The following RBFOX1 variants were observed in gnomAD, a reference collection of about 807,000 sequenced individuals.
RBFOX1 encodes the protein RNA binding fox-1 homolog 1.
A neutral mutation model predicts 57.7 loss-of-function variants in RBFOX1; 8 were observed. The ratio of observed to expected loss-of-function variants is 0.14; its 90% CI spans 0.08 to 0.25. The LOEUF (loss-of-function observed/expected upper bound fraction) is 0.25. RBFOX1 is among the 10% of genes least tolerant of loss of function. The pLI, the probability that RBFOX1 is intolerant of heterozygous loss-of-function variation, is 1.00. For missense variants in RBFOX1, 611 were observed against 548.5 expected, an observed-to-expected ratio of 1.11 and a Z score of -1.14; for synonymous variants, 326 against 222.4, an observed-to-expected ratio of 1.47 and a Z score of -4.15.
At chr16:6,053,497 T>C (rs888590867) in intron 1 of RBFOX1, among the ~76,000 whole-genome samples, 3 of 152,200 alleles carry the variant, frequency 2.0e-5, no homozygotes, top group Admixed American at 1.3e-4. Flanking sequence ...AAGAAAATCA[T>C]TTAGTTGAAT....
chr16:6,309,008 T>TA (rs2152758133), intron 1 of RBFOX1, among the ~76,000 whole-genome samples: 2 of 152,176 alleles, frequency 1.3e-5, no homozygotes, highest in East Asian at 3.9e-4. Flanking sequence ...TGAAAAGACT[T>TA]ACCTCTCTCC....
At chr16:7,337,837 A>G (rs140172202) in intron 4 of RBFOX1, among the ~76,000 whole-genome samples, 247 of 152,242 alleles carry the variant, frequency 1.6e-3, no homozygotes, top group Non-Finnish European at 2.5e-3. Context: ...GGCACGTGCC[A>G]CCACACCCAG....
chr16:7,034,314 G>A (rs1295570255), intron 3 of RBFOX1, among the ~76,000 whole-genome samples: 3 of 152,182 alleles, frequency 2.0e-5, no homozygotes, highest in Non-Finnish European at 4.4e-5. Flanking sequence ...AGTCACTGTA[G>A]GATGAAGGCA....
intron 13 of RBFOX1, among the ~76,000 whole-genome samples, chr16:7,676,430 A>G (rs916621685): frequency 6.6e-6 from 1 of 152,202 alleles, no homozygotes; most frequent in Non-Finnish European, 1.5e-5. Flanking sequence ...GAAAATCTGG[A>G]AAGTTCAGCA....
rs573127908 is a variant in RBFOX1 at position 5,836,836 on chromosome 16, G to A, written c.319-30467G>A. On this transcript the variant is annotated intron_variant, in intron 3 of 19. Transcript: ENST00000641259. ...AGGGGAGAAGCACCCAGATGAGAAT[G>A]CTTGTCCACATCAGCCCAGGCCACC... is the stretch of plus-strand genomic sequence containing the variant. Among the ~76,000 whole-genome samples, 8 of 152,302 alleles carry A rather than the reference G, an allele frequency of 5.3e-5. No homozygotes were observed. The South Asian group carries it at 1.2e-3, about 24-fold the overall frequency.
At chr16:7,032,184 G>T (rs1014951854) in intron 3 of RBFOX1, among the ~76,000 whole-genome samples, 2 of 152,058 alleles carry the variant, frequency 1.3e-5, no homozygotes, top group Non-Finnish European at 2.9e-5. Context: ...CAGTTCTTTG[G>T]GAGGCCAAGG....
intron 4 of RBFOX1, among the ~76,000 whole-genome samples, chr16:7,435,297 T>C (rs926481991): frequency 6.6e-5 from 10 of 152,102 alleles, no homozygotes; most frequent in African/African-American, 2.4e-4. Context: ...CTGAGGAGTT[T>C]GTCTGATGGT....
At chr16:5,670,712 G>A (rs931163619) in intron 3 of RBFOX1, among the ~76,000 whole-genome samples, 1 of 152,216 alleles carries the variant, frequency 6.6e-6, no homozygotes, top group African/African-American at 2.4e-5. Flanking sequence ...TAGTTCAACT[G>A]TTAGAGTTTA....
intron 4 of RBFOX1, among the ~76,000 whole-genome samples, chr16:5,920,905 T>C (rs547226216): frequency 8.9e-6 from 1 of 112,576 alleles, no homozygotes; most frequent in Admixed American, 9.6e-5. Context: ...GAGTTGTCTA[T>C]TTGTACGTGC....
At chr16:7,608,402 C>A (rs879815408) in intron 10 of RBFOX1, among the ~76,000 whole-genome samples, 3 of 152,190 alleles carry the variant, frequency 2.0e-5, no homozygotes, top group Non-Finnish European at 4.4e-5. Flanking sequence ...ATAACTGATT[C>A]CTGGATTTTA....
At chr16:7,396,035 C>T (rs2098133509) in intron 4 of RBFOX1, among the ~76,000 whole-genome samples, 1 of 152,132 alleles carries the variant, frequency 6.6e-6, no homozygotes, top group African/African-American at 2.4e-5. Context: ...GAGGCTCTTT[C>T]TGGGACACTG....
intron 2 of RBFOX1, among the ~76,000 whole-genome samples, chr16:6,569,390 G>C (rs1397425373): frequency 6.6e-6 from 1 of 152,156 alleles, no homozygotes; most frequent in Non-Finnish European, 1.5e-5. Flanking sequence ...GCTCATACCA[G>C]AATGTTTGCC....
intron 3 of RBFOX1, among the ~76,000 whole-genome samples, chr16:6,658,553 C>G (rs1165972429): frequency 1.3e-5 from 2 of 152,156 alleles, no homozygotes; most frequent in Non-Finnish European, 2.9e-5. Context: ...TCTTCTTTAT[C>G]TGCGCACAGT....
At chr16:6,959,252 G>C (rs76145398) in intron 3 of RBFOX1, among the ~76,000 whole-genome samples, 6,314 of 152,226 alleles carry the variant, frequency 0.041, 172 homozygotes, top group East Asian at 0.083. Context: ...GGGACAGGCA[G>C]ATTTTGTGAG....
chr16:5,618,173 C>G (rs532380675), intron 3 of RBFOX1, among the ~76,000 whole-genome samples: 1 of 152,156 alleles, frequency 6.6e-6, no homozygotes, highest in East Asian at 1.9e-4. Flanking sequence ...CCTACTCTGT[C>G]GTCTCTTTCC....
chr16:7,597,880 T>G (rs3817106), intron 9 of RBFOX1, among the ~76,000 whole-genome samples: 138,268 of 152,176 alleles, frequency 0.91, 63,064 homozygotes, highest in African/African-American at 0.94. Flanking sequence ...TGGTTTAGAG[T>G]ATACCTCATG....
At chr16:5,771,349 A>C (rs933159551) in intron 3 of RBFOX1, among the ~76,000 whole-genome samples, 2 of 152,352 alleles carry the variant, frequency 1.3e-5, no homozygotes, top group Admixed American at 1.3e-4. Context: ...ACTCTATTCT[A>C]GTCAAACCAG....
At chr16:7,050,258 T>A (rs1302165099) in intron 3 of RBFOX1, among the ~76,000 whole-genome samples, 1 of 150,786 alleles carries the variant, frequency 6.6e-6, no homozygotes, top group Non-Finnish European at 1.5e-5. Flanking sequence ...TTTCCTTTAT[T>A]TTTATCTTTT....
chr16:6,727,599 C>T (rs1053679012), intron 3 of RBFOX1, among the ~76,000 whole-genome samples: 4 of 151,926 alleles, frequency 2.6e-5, no homozygotes, highest in South Asian at 4.1e-4. Context: ...GGAGTTGTGC[C>T]GCCATACTAG....
Sources: gnomAD v4.1 joint callset for allele counts (sites outside exome capture counted in the v4.1 genomes callset) on GRCh38, gnomAD v4.1.1 for gene constraint, MANE v1.5 for transcripts, NCBI Gene and HGNC (gene_info 2026-07-23, HGNC 2026-07-21) for gene names.